RIC1: variants seen among roughly 807,000 people sequenced by gnomAD.
RIC1 encodes the protein guanine nucleotide exchange factor subunit RIC1.
In RIC1, 88 loss-of-function variants were observed where a neutral mutation model predicts 169.0. The ratio of observed to expected loss-of-function variants is 0.52; its 90% CI spans 0.44 to 0.62. The LOEUF is 0.62. RIC1 is among the 20% of genes least tolerant of loss of function. RIC1 has a pLI of 0.00. For synonymous variants in RIC1, 790 were observed against 601.5 expected (o/e 1.31, Z -4.59); for missense variants, 1,877 against 1,725.5 (o/e 1.09, Z -1.56).
chr9:5,641,366 C>G (rs1199583610), intron 1 of RIC1, among the ~76,000 whole-genome samples: 2 of 152,106 alleles, frequency 1.3e-5, no homozygotes, highest in African/African-American at 4.8e-5. Flanking sequence ...GCTGGGATTA[C>G]AGGCATGAGC....
chr9:5,634,464 C>T lies in RIC1; in HGVS notation c.144+5011C>T, dbSNP rs186396062. Among the ~76,000 whole-genome samples, 23 of 152,200 alleles carry T rather than the reference C, an allele frequency of 1.5e-4. No individual in the cohort carries two copies. In the East Asian group the frequency reaches 4.2e-3, roughly 28 times the overall value. On this transcript the variant is annotated intron_variant, in intron 1 of 25. Transcript: ENST00000414202. ...ATCTTATGGTTTTGATTTGCATCTC[C>T]CTGATGATTAGTGTATTGAGCACCT...
chr9:5,692,653 T>C (rs903971590), intron 3 of RIC1, among the ~76,000 whole-genome samples: 2 of 152,206 alleles, frequency 1.3e-5, no homozygotes, highest in Non-Finnish European at 2.9e-5. Context: ...TTGGTTTTTC[T>C]GCAGAACCCA....
intron 16 of RIC1, 88 bp downstream of exon 16, chr9:5,756,460 C>A: frequency 3.5e-6 from 3 of 861,866 alleles, no homozygotes; most frequent in South Asian, 4.2e-5. Flanking sequence ...AACAGTTATT[C>A]CACTTTTATA....
Position 5,632,156 on chromosome 9 carries a change from C to G in RIC1, c.144+2703C>G, listed in dbSNP as rs892245506. ...AGATGATAAAACAAGATTTGCTTAC[C>G]TGAAATTTTGTTAGGGCTCACTTAG... On this transcript the variant is annotated intron_variant, in intron 1 of 25. Transcript: ENST00000414202. Among the ~76,000 whole-genome samples, 4 of 152,152 alleles carry G rather than the reference C, an allele frequency of 2.6e-5. 1 individual carries two copies. The South Asian group carries it at 8.3e-4, about 31-fold the overall frequency.
At chr9:5,739,392 C>T (rs540692258) in intron 8 of RIC1, among the ~76,000 whole-genome samples, 2 of 152,294 alleles carry the variant, frequency 1.3e-5, no homozygotes, top group East Asian at 3.9e-4. Flanking sequence ...CCTGATCCAA[C>T]TCTGTGTACC....
chr9:5,764,457 T>G (rs531413628), intron 19 of RIC1, among the ~76,000 whole-genome samples: 16 of 152,326 alleles, frequency 1.1e-4, no homozygotes, highest in African/African-American at 3.1e-4. Context: ...AAAATTTATT[T>G]CATTAGCTAT....
chr9:5,747,674 T>C (rs1825463602), intron 12 of RIC1, among the ~76,000 whole-genome samples, 169 bp downstream of exon 12: 1 of 152,242 alleles, frequency 6.6e-6, no homozygotes, highest in Non-Finnish European at 1.5e-5. Flanking sequence ...GTCTTCTCCC[T>C]CCTTTCTTTC....
At chr9:5,765,051 A>C (rs977964884) in intron 19 of RIC1, 1 of 167,334 alleles carries the variant, frequency 6.0e-6, no homozygotes, top group African/African-American at 2.4e-5. Flanking sequence ...GAGTCAGGCA[A>C]ACCTCCCTTT....
intron 1 of RIC1, among the ~76,000 whole-genome samples, chr9:5,633,671 A>AATCAGTCT: frequency 1.3e-5 from 2 of 152,294 alleles, no homozygotes; most frequent in Middle Eastern, 3.4e-3. Context: ...TGATAATCAC[A>AATCAGTCT]ATCAGTCTAA....
chr9:5,630,455 C>G (rs1008972887), intron 1 of RIC1, among the ~76,000 whole-genome samples: 18 of 152,172 alleles, frequency 1.2e-4, no homozygotes, highest in African/African-American at 4.3e-4. Context: ...TCGTGAAATA[C>G]TGGTTTTAGT....
Position 5,763,134 on chromosome 9 carries a change from C to T in RIC1, c.2113-6C>T. ...AACAACTTGATTCTTGTCTCTCCTT[C>T]TCCAGCTGCCATTCTGTCCTCCTGT... On this transcript the variant is annotated splice_region_variant and splice_polypyrimidine_tract_variant and intron_variant, in intron 18 of 25. Coordinates refer to ENST00000414202, the MANE Select transcript of RIC1 (RefSeq NM_020829.4). The surrounding 1 kb of genome is among the most constrained non-coding windows in gnomAD (Gnocchi z 5.2). The T allele has an allele frequency of 1.2e-6, 2 of 1,610,772 alleles. No individual in the cohort carries two copies. The highest frequency in any genetic ancestry group is 1.7e-6 in the Non-Finnish European group (2 of 1,177,410).
chr9:5,629,631 C>T (rs908091259), intron 1 of RIC1, among the ~76,000 whole-genome samples, 178 bp downstream of exon 1: 4 of 152,158 alleles, frequency 2.6e-5, no homozygotes, highest in African/African-American at 7.2e-5. Flanking sequence ...GCTGCAGGCA[C>T]GTCCTCCAGC....
At chr9:5,711,817 C>T (rs894725977) in intron 3 of RIC1, among the ~76,000 whole-genome samples, 1 of 152,118 alleles carries the variant, frequency 6.6e-6, no homozygotes, top group African/African-American at 2.4e-5. Flanking sequence ...TGAGTGAGAA[C>T]ATGCGGTGTT....
intron 6 of RIC1, among the ~76,000 whole-genome samples, chr9:5,722,934 C>T (rs1250205700): frequency 2.0e-5 from 3 of 152,220 alleles, no homozygotes; most frequent in Non-Finnish European, 4.4e-5. Flanking sequence ...ATATGTGCCA[C>T]ATTTTCTTAA....
intron 3 of RIC1, chr9:5,712,963 T>C (rs1823023086): frequency 6.6e-6 from 1 of 152,070 alleles, no homozygotes; most frequent in Non-Finnish European, 1.5e-5. Flanking sequence ...AAAAATAGTC[T>C]GTAACAAAAA....
intron 2 of RIC1, among the ~76,000 whole-genome samples, chr9:5,676,920 T>A (rs914433059): frequency 2.0e-5 from 3 of 152,256 alleles, no homozygotes; most frequent in African/African-American, 7.2e-5. Flanking sequence ...GTTTATCCAT[T>A]CATCTGTTGA....
intron 21 of RIC1, among the ~76,000 whole-genome samples, chr9:5,766,145 G>A (rs774021783): frequency 1.3e-5 from 2 of 152,132 alleles, no homozygotes; most frequent in Admixed American, 1.3e-4. Context: ...AGGTTCAAGC[G>A]ATTATCCTGC....
chr9:5,664,065 C>G (rs998229145), intron 2 of RIC1, among the ~76,000 whole-genome samples: 6 of 152,062 alleles, frequency 3.9e-5, no homozygotes, highest in South Asian at 2.1e-4. Flanking sequence ...GCTTATAAAG[C>G]TTAGTTTCGC....
intron 2 of RIC1, among the ~76,000 whole-genome samples, chr9:5,688,122 A>T (rs1012692411): frequency 1.3e-5 from 2 of 152,250 alleles, no homozygotes; most frequent in African/African-American, 4.8e-5. Flanking sequence ...ATTATGAAAT[A>T]TAGCAAAAGG....
Sources: gnomAD v4.1 joint callset for allele counts (sites outside exome capture counted in the v4.1 genomes callset) on GRCh38, gnomAD v4.1.1 for gene constraint, Gnocchi (gnomAD v3.1) non-coding constraint, MANE v1.5 for transcripts, NCBI Gene and HGNC (gene_info 2026-07-23, HGNC 2026-07-21) for gene names.